ADORA2A: variants seen among roughly 807,000 people sequenced by gnomAD.
ADORA2A encodes the protein adenosine A2a receptor, also known as adenosine receptor A2a.
Under a neutral mutation model 18.4 loss-of-function variants are expected in ADORA2A, and 11 were observed. That is an observed-to-expected ratio of 0.60 (90% confidence interval 0.38 to 0.99). ADORA2A has a LOEUF of 0.99. ADORA2A is among the 50% of genes least tolerant of loss of function. The pLI is 0.01. For missense variants in ADORA2A, 449 were observed against 556.1 expected (o/e 0.81, Z 1.94); for synonymous variants, 218 against 237.3 (o/e 0.92, Z 0.75).
At chr22:24,428,006 G>A (rs921059204) in intron 1 of ADORA2A, among the ~76,000 whole-genome samples, 4 of 152,184 alleles carry the variant, frequency 2.6e-5, no homozygotes, top group South Asian at 2.1e-4. Context: ...GGGATGCCAG[G>A]TGTATCTCTG....
At chr22:24,431,788 A>C (rs2146881692) in intron 1 of ADORA2A, among the ~76,000 whole-genome samples, 1 of 152,048 alleles carries the variant, frequency 6.6e-6, no homozygotes, top group Non-Finnish European at 1.5e-5. Context: ...CGAAGGGGAC[A>C]CTGGGAGTTG....
chr22:24,433,410 C>T lies in ADORA2A; in HGVS notation c.6C>T (p.Pro2=), dbSNP rs1222792027. The T allele has an allele frequency of 2.5e-6, 4 of 1,610,408 alleles. No homozygotes were observed. Among genetic ancestry groups the T allele is most frequent in the Non-Finnish European group, 3.4e-6 (4 of 1,178,588 alleles). Residue 2 remains proline (P), a synonymous_variant, in exon 2 of 3, where the codon CCC becomes CCT. Transcript: ENST00000337539. The stretch of plus-strand genomic sequence containing the variant: ...CCTGCCTGTCGTCTGTGGCCATGCC[C>T]ATCATGGGCTCCTCGGTGTACATCA... M[P]IMGSSVYITV... is the part of the protein sequence containing the mutation.
At chr22:24,435,294 A>G (rs1200117596) in intron 2 of ADORA2A, among the ~76,000 whole-genome samples, 1 of 152,220 alleles carries the variant, frequency 6.6e-6, no homozygotes, top group South Asian at 2.1e-4. Flanking sequence ...ACGGAGGCCC[A>G]GGAGGGGCCC....
chr22:24,437,888 A>G (rs372988440), intron 2 of ADORA2A, among the ~76,000 whole-genome samples: 9 of 152,248 alleles, frequency 5.9e-5, no homozygotes, highest in Non-Finnish European at 1.2e-4. Flanking sequence ...CAATTCACTG[A>G]TTCAATAAAC....
upstream of ADORA2A, among the ~76,000 whole-genome samples, chr22:24,426,272 G>A (rs371578411): frequency 7.2e-5 from 11 of 152,194 alleles, no homozygotes; most frequent in East Asian, 3.8e-4. Flanking sequence ...CCGTGTTTGC[G>A]GGGTCTGTCT....
At position 24,433,529 on chromosome 22, in the gene ADORA2A, A is replaced by G; in HGVS notation, c.125A>G (p.Asn42Ser). 6.2e-7 allele frequency: 1 copy of G among 1,614,190 alleles called. No homozygotes were observed. Among genetic ancestry groups the G allele is most frequent in the Non-Finnish European group, 8.5e-7 (1 of 1,180,034 alleles). ...AACAGCAACCTGCAGAACGTCACCA[A>G]CTACTTTGTGGTGTCACTGGCGGCG... ...WLNSNLQNVT[N>S]YFVVSLAAAD... Residue 42 changes from asparagine to serine, a missense_variant, in exon 2 of 3, where the codon AAC (asparagine) becomes AGC (serine). Physicochemically the swap from Asn to Ser is conservative, Grantham distance 46. Coordinates refer to ENST00000337539, the MANE Select transcript of ADORA2A (RefSeq NM_000675.6).
rs775857867 is a variant in ADORA2A at position 24,441,334 on chromosome 22, G to A, written c.1084G>A (p.Ala362Thr). The change falls in exon 3 of 3, where the codon GCC becomes ACC. Residue 362 changes from alanine (A) to threonine (T), a missense_variant. Transcript: ENST00000337539. Reference protein sequence around the residue: ...PHPERRPNGYALGLVSGGSAQ... With the variant: ...PHPERRPNGYTLGLVSGGSAQ... ...CCCTGAGCGGAGGCCCAATGGCTAT[G>A]CCCTGGGGCTGGTGAGTGGAGGGAG... is the stretch of plus-strand genomic sequence containing the variant. The A allele has an allele frequency of 1.8e-5, 29 of 1,598,044 alleles. No homozygotes were observed. Among genetic ancestry groups the A allele is most frequent in the Non-Finnish European group, 2.3e-5 (27 of 1,171,186 alleles).
At chr22:24,431,585 G>A in intron 1 of ADORA2A, 1 of 435,444 alleles carries the variant, frequency 2.3e-6, no homozygotes, top group Non-Finnish European at 4.7e-6. Context: ...GAGAGACGAG[G>A]TGGCTGCCCG....
At chr22:24,435,241 C>T (rs572770171) in intron 2 of ADORA2A, among the ~76,000 whole-genome samples, 5 of 152,310 alleles carry the variant, frequency 3.3e-5, no homozygotes, top group South Asian at 4.1e-4. Context: ...TGCTCTGCGA[C>T]GGGCAGAGCA....
intron 1 of ADORA2A, 77 bp downstream of exon 1, chr22:24,427,823 G>C (rs2042937285): frequency 6.6e-6 from 1 of 152,156 alleles, no homozygotes; most frequent in Non-Finnish European, 1.5e-5. Flanking sequence ...GGGGTGTGGG[G>C]AGCAGGAGCT....
intron 2 of ADORA2A, among the ~76,000 whole-genome samples, chr22:24,437,096 T>C (rs763458089): frequency 6.6e-6 from 1 of 152,082 alleles, no homozygotes; most frequent in South Asian, 2.1e-4. Context: ...GGTTGGGACA[T>C]GTGCACATAA....
chr22:24,439,072 C>CATTTTT (rs1555878299), intron 2 of ADORA2A, among the ~76,000 whole-genome samples: 1 of 73,094 alleles, frequency 1.4e-5, no homozygotes, highest in Non-Finnish European at 2.7e-5. Context: ...CCCCTTGCAC[C>CATTTTT]TTTTTTTTTT....
At chr22:24,427,476 C>T (rs1402325810), upstream of ADORA2A, 5 of 152,348 alleles carry the variant, frequency 3.3e-5, no homozygotes, top group Non-Finnish European at 4.4e-5. Context: ...ACTCCCTTGT[C>T]CCCCCTTCAG....
intron 2 of ADORA2A, 125 bp downstream of exon 2, chr22:24,433,861 C>A: frequency 8.3e-7 from 1 of 1,207,890 alleles, no homozygotes; most frequent in Non-Finnish European, 1.1e-6. Context: ...GAGCTGGCGA[C>A]GGGGCCCCAG....
chr22:24,433,004 C>T, intron 1 of ADORA2A, 127 bp from the exon 2 acceptor site: 1 of 257,306 alleles, frequency 3.9e-6, no homozygotes. Context: ...GACACCTGGC[C>T]TGTGGGTAGG....
In ADORA2A at chr22:24,441,167, A is replaced by G. The variant is rs778398772; in HGVS notation, c.917A>G (p.His306Arg). 2 of 1,614,224 alleles carry G rather than the reference A, an allele frequency of 1.2e-6. No individual in the cohort carries two copies. Among genetic ancestry groups the G allele is most frequent in the East Asian group, 2.2e-5 (1 of 44,884 alleles). ...RQTFRKIIRS[H>R]VLRQQEPFKA... ...ACCTTCCGCAAGATCATTCGCAGCC[A>G]CGTCCTGAGGCAGCAAGAACCTTTC... The change falls in exon 3 of 3, where the codon CAC becomes CGC. Residue 306 changes from histidine (H) to arginine (R), a missense_variant. Transcript: ENST00000337539.
In ADORA2A at chr22:24,441,043, G is replaced by A. The variant is rs767602595; in HGVS notation, c.793G>A (p.Ala265Thr). Residue 265 changes from alanine (A) to threonine (T), a missense_variant, in exon 3 of 3, where the codon GCC becomes ACC. Transcript: ENST00000337539. The part of the protein sequence containing the change: ...FTFFCPDCSH[A>T]PLWLMYLAIV... ...TTTCTTCTGCCCCGACTGCAGCCAC[G>A]CCCCTCTCTGGCTCATGTACCTGGC... 10 of 1,614,076 alleles carry A rather than the reference G, an allele frequency of 6.2e-6. No individual in the cohort carries two copies. The highest frequency in any genetic ancestry group is 5.5e-5 in the South Asian group (5 of 91,084).
At position 24,433,309 on chromosome 22, in the gene ADORA2A, G is replaced by A; in HGVS notation, c.-96G>A. Reference sequence around the variant, plus strand: ...CAGGGGTCTGGGCCCCTCCGCCTGGGCCGGGCTGGGAGCCAGGCGGGCGGC... The same window carrying A: ...CAGGGGTCTGGGCCCCTCCGCCTGGACCGGGCTGGGAGCCAGGCGGGCGGC... On this transcript the variant is annotated 5_prime_UTR_variant, in exon 2 of 3. Coordinates refer to ENST00000337539, the MANE Select transcript of ADORA2A (RefSeq NM_000675.6). 7.9e-7 allele frequency: 1 copy of A among 1,261,788 alleles called. No individual in the cohort carries two copies. Among genetic ancestry groups the A allele is most frequent in the Non-Finnish European group, 1.1e-6 (1 of 913,968 alleles). The allele number at this position is 1,261,788 out of a possible 1,614,324, so 78.2% of individuals were successfully genotyped here.
Position 24,442,181 on chromosome 22 carries a change from A to C in ADORA2A, c.*692A>C, listed in dbSNP as rs201822215. ...GGGAGTTGTAACAGAGCAGTGCCAGAGCATGGGCCCAGGTCCCAGGGGAGA... is the reference window on the plus strand; with the variant it reads ...GGGAGTTGTAACAGAGCAGTGCCAGCGCATGGGCCCAGGTCCCAGGGGAGA... On this transcript the variant is annotated 3_prime_UTR_variant, in exon 3 of 3. Coordinates refer to ENST00000337539, the MANE Select transcript of ADORA2A (RefSeq NM_000675.6). 2.0e-5 allele frequency: 3 copies of C among 152,986 alleles called. No homozygotes were observed. The highest frequency in any genetic ancestry group is 4.4e-5 in the Non-Finnish European group (3 of 68,248). 9.5% of individuals were successfully genotyped at this position (152,986 alleles called of 1,614,324 possible). A position where few individuals can be genotyped will look rare whatever the true frequency, so the allele number is the denominator to read the frequency against.
Sources: allele counts gnomAD v4.1 joint callset (sites outside exome capture counted in the v4.1 genomes callset), GRCh38; gene constraint gnomAD v4.1.1; transcripts MANE v1.5; gene names NCBI Gene and HGNC (gene_info 2026-07-23, HGNC 2026-07-21).